Variants in CELF4 observed in about 807,000 individuals in gnomAD.
CELF4 encodes the protein CUGBP Elav-like family member 4.
In CELF4, 18 loss-of-function variants were observed where a neutral mutation model predicts 59.9. That is an observed-to-expected ratio of 0.30 (90% CI 0.21 to 0.45). The LOEUF (loss-of-function observed/expected upper bound fraction) is 0.45, where lower values mean the gene tolerates loss of function less well. CELF4 is among the 20% of genes least tolerant of loss of function. The pLI, the probability that CELF4 is intolerant of heterozygous loss-of-function variation, is 1.00. For missense variants in CELF4, 456 were observed against 689.0 expected (o/e 0.66, Z 3.79); for synonymous variants, 261 against 267.1 (o/e 0.98, Z 0.22).
chr18:37,272,976 C>A, intron 7 of CELF4, 40 bp downstream of exon 7: 1 of 1,571,078 alleles, frequency 6.4e-7, no homozygotes, highest in Non-Finnish European at 8.7e-7. Flanking sequence ...CAGCTGTTCT[C>A]CCACCGGGCC....
At chr18:37,444,810 G>A (rs951291025) in intron 2 of CELF4, among the ~76,000 whole-genome samples, 4 of 152,076 alleles carry the variant, frequency 2.6e-5, no homozygotes, top group Non-Finnish European at 4.4e-5. Flanking sequence ...CTGCCTCCCC[G>A]TACCTCCCTC....
At chr18:37,318,691 C>G (rs938387064) in intron 3 of CELF4, among the ~76,000 whole-genome samples, 1 of 144,274 alleles carries the variant, frequency 6.9e-6, no homozygotes, top group Non-Finnish European at 1.5e-5. Flanking sequence ...TGGTTTGGGG[C>G]GAGTGTTAGC....
At chr18:37,495,098 T>G (rs758013136) in intron 1 of CELF4, among the ~76,000 whole-genome samples, 8 of 152,200 alleles carry the variant, frequency 5.3e-5, no homozygotes, top group Non-Finnish European at 4.4e-5. Flanking sequence ...GGATAAATTC[T>G]TTGCTAGAAC....
At chr18:37,318,402 C>T (rs2096945941) in intron 3 of CELF4, among the ~76,000 whole-genome samples, 1 of 151,918 alleles carries the variant, frequency 6.6e-6, no homozygotes, top group Non-Finnish European at 1.5e-5. Context: ...TCCTTCTCTC[C>T]ATTCCCCTCT....
chr18:37,475,106 G>A (rs1230425143), intron 2 of CELF4, among the ~76,000 whole-genome samples: 1 of 152,172 alleles, frequency 6.6e-6, no homozygotes, highest in African/African-American at 2.4e-5. Context: ...AGTGGAAGCT[G>A]GTCTGCCTGA....
rs2099599246 is a variant in CELF4, at chr18:37,424,381, G to T, written c.369+61144C>A. Among the ~76,000 whole-genome samples the T allele has an allele frequency of 2.6e-5, 4 of 152,228 alleles. No individual in the cohort carries two copies. The South Asian group carries it at 8.3e-4, about 32-fold the overall frequency. On this transcript the variant is annotated intron_variant, in intron 2 of 12. Coordinates refer to ENST00000420428, the MANE Select transcript of CELF4 (RefSeq NM_020180.4). ...TGGTAGTGGTTTGCCAAGGAGAAAGGGGTGCTAAGGGATTCAGAACAGGTA... is the reference window on the plus strand; with the variant it reads ...TGGTAGTGGTTTGCCAAGGAGAAAGTGGTGCTAAGGGATTCAGAACAGGTA...
intron 2 of CELF4, among the ~76,000 whole-genome samples, chr18:37,430,237 C>T (rs1318943892): frequency 6.6e-6 from 1 of 152,184 alleles, no homozygotes; most frequent in East Asian, 1.9e-4. Flanking sequence ...GACTGGGGAC[C>T]CCATCCACTC....
intron 3 of CELF4, among the ~76,000 whole-genome samples, chr18:37,281,649 T>C (rs1602358718): frequency 6.6e-6 from 1 of 152,174 alleles, no homozygotes; most frequent in Non-Finnish European, 1.5e-5. Flanking sequence ...CAGATATTCA[T>C]GATGACAGAG....
chr18:37,498,973 A>G (rs934519863), intron 1 of CELF4, among the ~76,000 whole-genome samples: 2 of 152,236 alleles, frequency 1.3e-5, no homozygotes, highest in African/African-American at 4.8e-5. Flanking sequence ...TGTTGTCCGT[A>G]GTAATAGTTG....
At chr18:37,352,958 A>C (rs1193346978) in intron 2 of CELF4, among the ~76,000 whole-genome samples, 1 of 152,100 alleles carries the variant, frequency 6.6e-6, no homozygotes, top group African/African-American at 2.4e-5. Flanking sequence ...GCGGTAGCTC[A>C]CGCCTGTAAT....
rs1323759233 is a variant in CELF4, at chr18:37,254,481, C to T, written c.1334-543G>A. ...CGCCCCCCTCGCCACCGCAGGTGCCCGGCTGTCGGAGGAGGCCCAGAGGCT... is the reference window on the plus strand; with the variant it reads ...CGCCCCCCTCGCCACCGCAGGTGCCTGGCTGTCGGAGGAGGCCCAGAGGCT... On this transcript the variant is annotated intron_variant, in intron 11 of 12. Coordinates refer to ENST00000420428, the MANE Select transcript of CELF4 (RefSeq NM_020180.4). The surrounding 1 kb of genome is among the most constrained non-coding windows in gnomAD (Gnocchi z 5.1). Among the ~76,000 whole-genome samples, 4 of 151,940 alleles carry T rather than the reference C, an allele frequency of 2.6e-5. No individual in the cohort carries two copies. Among genetic ancestry groups the T allele is most frequent in the Non-Finnish European group, 5.9e-5 (4 of 67,942 alleles).
chr18:37,397,510 T>A (rs1160657727), intron 2 of CELF4, among the ~76,000 whole-genome samples: 1 of 152,066 alleles, frequency 6.6e-6, no homozygotes, highest in African/African-American at 2.4e-5. Flanking sequence ...AAGGGATTGG[T>A]TGGGATCCCT....
intron 2 of CELF4, among the ~76,000 whole-genome samples, chr18:37,385,399 A>T (rs1406025829): frequency 6.6e-6 from 1 of 151,128 alleles, no homozygotes; most frequent in Non-Finnish European, 1.5e-5. Context: ...AGAAAATGTG[A>T]TCACCTCTAA....
Position 37,371,022 on chromosome 18 carries a change from G to A in CELF4, c.370-49141C>T, listed in dbSNP as rs971247018. Among the ~76,000 whole-genome samples the A allele has an allele frequency of 6.6e-5, 10 of 152,138 alleles. 1 individual carries two copies. Among genetic ancestry groups the A allele is most frequent in the African/African-American group, 1.9e-4 (8 of 41,422 alleles). On this transcript the variant is annotated intron_variant, in intron 2 of 12. Transcript: ENST00000420428. ...TATTGAGCTGTCAGGAGAAGCACTT[G>A]CCCGTGGGCACAGCAGCTGTGTTCT...
At chr18:37,563,869 C>G (rs1603644306) in intron 1 of CELF4, among the ~76,000 whole-genome samples, 1 of 152,190 alleles carries the variant, frequency 6.6e-6, no homozygotes, top group Non-Finnish European at 1.5e-5. Context: ...GGGACTCCAA[C>G]TATGAAGAGT....
rs1419294006 is a variant in CELF4 at position 37,259,182 on chromosome 18, G to A, written c.1332C>T (p.Phe444=). The change falls in exon 11 of 13, where the codon TTC becomes TTT. Residue 444 remains phenylalanine, a splice_region_variant and synonymous_variant. Transcript: ENST00000420428. ...ACACTTTCGAGGAGATGACATTACCGAAAGGGAGGAACATCTGCATCAGCT... is the reference window on the plus strand; with the variant it reads ...ACACTTTCGAGGAGATGACATTACCAAAAGGGAGGAACATCTGCATCAGCT... ...DAELMQMFLP[F]GFVSFDNPAS... 7 of 1,612,664 alleles carry A rather than the reference G, an allele frequency of 4.3e-6. No individual in the cohort carries two copies. The highest frequency in any genetic ancestry group is 5.9e-6 in the Non-Finnish European group (7 of 1,179,744).
At chr18:37,517,319 C>A (rs2099951791) in intron 1 of CELF4, among the ~76,000 whole-genome samples, 1 of 152,142 alleles carries the variant, frequency 6.6e-6, no homozygotes, top group African/African-American at 2.4e-5. Flanking sequence ...CAAGTGTGGG[C>A]TTTCTGGAAG....
intron 1 of CELF4, among the ~76,000 whole-genome samples, chr18:37,495,849 T>TTG (rs752594282): frequency 7.3e-5 from 11 of 151,578 alleles, no homozygotes; most frequent in East Asian, 5.8e-4. Context: ...GCATGTGTGC[T>TTG]TGTGTGTGTG....
intron 3 of CELF4, among the ~76,000 whole-genome samples, chr18:37,306,682 C>T (rs1035994599): frequency 6.6e-6 from 1 of 152,122 alleles, no homozygotes; most frequent in Non-Finnish European, 1.5e-5. Flanking sequence ...CTGACAAGAG[C>T]CCTTCAGTGG....
Sources: gnomAD v4.1 joint callset for allele counts (sites outside exome capture counted in the v4.1 genomes callset) on GRCh38, gnomAD v4.1.1 for gene constraint, Gnocchi (gnomAD v3.1) non-coding constraint, MANE v1.5 for transcripts, NCBI Gene and HGNC (gene_info 2026-07-23, HGNC 2026-07-21) for gene names.